EMP2: variants seen among roughly 807,000 people sequenced by gnomAD.
EMP2 encodes epithelial membrane protein 2.
Under a neutral mutation model 13.7 loss-of-function variants are expected in EMP2, and 19 were observed. The ratio of observed to expected loss-of-function variants is 1.38; its 90% CI spans 0.97 to 2.03. The LOEUF is 2.03. Ranked by LOEUF, EMP2 falls within the 30% of genes most tolerant of loss-of-function variation. The pLI is 0.00. For missense variants in EMP2, 253 were observed against 220.7 expected, an observed-to-expected ratio of 1.15 and a Z score of -0.93; for synonymous variants, 97 against 84.7, an observed-to-expected ratio of 1.15 and a Z score of -0.80.
intron 4 of EMP2, 102 bp from the exon 5 acceptor site, chr16:10,533,194 A>ATTAT: frequency 9.0e-7 from 1 of 1,109,094 alleles, no homozygotes; most frequent in Non-Finnish European, 1.2e-6. Flanking sequence ...TTCAGCTTTT[A>ATTAT]TTCTTTGTTT....
intron 1 of EMP2, among the ~76,000 whole-genome samples, chr16:10,559,453 C>T (rs555184932): frequency 3.2e-4 from 49 of 152,346 alleles, no homozygotes; most frequent in Middle Eastern, 3.4e-3. Context: ...AGGCGGGACA[C>T]TGGAATTTGG....
chr16:10,558,324 G>A (rs1017276666), intron 1 of EMP2, among the ~76,000 whole-genome samples: 1 of 152,182 alleles, frequency 6.6e-6, no homozygotes, highest in Non-Finnish European at 1.5e-5. Flanking sequence ...AGGGTGCCCA[G>A]CTGGAGTTTC....
At chr16:10,556,995 C>G (rs556172203) in intron 1 of EMP2, among the ~76,000 whole-genome samples, 16 of 152,314 alleles carry the variant, frequency 1.1e-4, no homozygotes, top group African/African-American at 3.8e-4. Flanking sequence ...AAGGCAACCT[C>G]TCTCTGCACT....
At chr16:10,564,820 T>C (rs2050896456) in intron 1 of EMP2, among the ~76,000 whole-genome samples, 1 of 152,172 alleles carries the variant, frequency 6.6e-6, no homozygotes, top group South Asian at 2.1e-4. Context: ...TTTCAGGCAC[T>C]GTCCCAGCAA....
intron 1 of EMP2, among the ~76,000 whole-genome samples, chr16:10,550,180 CTGGT>C (rs1466589936): frequency 2.0e-5 from 3 of 152,194 alleles, no homozygotes; most frequent in East Asian, 3.9e-4. Flanking sequence ...GCCACCGCAC[CTGGT>C]TGCACATTTT....
chr16:10,542,452 C>A (rs1044147561), intron 3 of EMP2, among the ~76,000 whole-genome samples: 3 of 151,262 alleles, frequency 2.0e-5, no homozygotes, highest in African/African-American at 7.3e-5. Flanking sequence ...CCCCCCCCAC[C>A]AACAAAACCA....
intron 2 of EMP2, chr16:10,546,006 G>T (rs1029961694): frequency 7.2e-5 from 11 of 152,242 alleles, no homozygotes; most frequent in Admixed American, 7.2e-4. Context: ...TGGCTCTGCT[G>T]CTTACTGCAC....
chr16:10,563,201 T>C (rs981126207), intron 1 of EMP2, among the ~76,000 whole-genome samples: 12 of 151,890 alleles, frequency 7.9e-5, no homozygotes, highest in Non-Finnish European at 1.5e-4. Flanking sequence ...TTATTATTAT[T>C]ATTATTTTGA....
At chr16:10,555,569 C>A (rs1003230340) in intron 1 of EMP2, among the ~76,000 whole-genome samples, 3 of 151,712 alleles carry the variant, frequency 2.0e-5, no homozygotes, top group African/African-American at 7.3e-5. Context: ...CCCTGTCCTA[C>A]AACCTGGAAG....
At chr16:10,538,435 G>T (rs1432138646) in intron 3 of EMP2, among the ~76,000 whole-genome samples, 1 of 152,202 alleles carries the variant, frequency 6.6e-6, no homozygotes, top group Non-Finnish European at 1.5e-5. Flanking sequence ...TGTGACTCAA[G>T]AAATCAGGAT....
chr16:10,575,873 A>C (rs2050980967), intron 1 of EMP2, among the ~76,000 whole-genome samples: 1 of 152,044 alleles, frequency 6.6e-6, no homozygotes, highest in South Asian at 2.1e-4. Flanking sequence ...CTCGGTCTGA[A>C]GCTGAACATA....
chr16:10,548,183 G>A (rs1313203104), intron 1 of EMP2, among the ~76,000 whole-genome samples: 1 of 152,300 alleles, frequency 6.6e-6, no homozygotes, highest in South Asian at 2.1e-4. Flanking sequence ...TCCTTGTGGA[G>A]GAGGAGGGTG....
chr16:10,540,183 T>A (rs2050683312), intron 3 of EMP2, among the ~76,000 whole-genome samples: 1 of 152,104 alleles, frequency 6.6e-6, no homozygotes, highest in South Asian at 2.1e-4. Context: ...ATTCACGGAA[T>A]GAGAGGGATG....
intron 2 of EMP2, chr16:10,545,576 ACT>A (rs1304781015): frequency 1.3e-5 from 2 of 159,288 alleles, no homozygotes; most frequent in Non-Finnish European, 2.7e-5. Context: ...TCCTTATGAG[ACT>A]CTAATGCCTG....
Position 10,532,899 on chromosome 16 carries a change from G to A in EMP2, c.*6C>T, listed in dbSNP as rs201413879. ...ACTGCAGCAGAAGCAACCCAGCTCCGGAACTCTATTTGCGCTTCCTCAGTA... is the reference window on the plus strand; with the variant it reads ...ACTGCAGCAGAAGCAACCCAGCTCCAGAACTCTATTTGCGCTTCCTCAGTA... On this transcript the variant is annotated 3_prime_UTR_variant, in exon 5 of 5. Coordinates refer to ENST00000359543, the MANE Select transcript of EMP2 (RefSeq NM_001424.6). 23 of 1,474,714 alleles carry A rather than the reference G, an allele frequency of 1.6e-5. No individual in the cohort carries two copies. The highest frequency in any genetic ancestry group is 1.5e-4 in the East Asian group (6 of 40,004). 91.4% of individuals were successfully genotyped at this position (1,474,714 alleles called of 1,614,324 possible). A position where few individuals can be genotyped will look rare whatever the true frequency, so the allele number is the denominator to read the frequency against.
At chr16:10,579,362 A>C (rs559538258) in intron 1 of EMP2, among the ~76,000 whole-genome samples, 1 of 152,234 alleles carries the variant, frequency 6.6e-6, no homozygotes, top group South Asian at 2.1e-4. Flanking sequence ...GGCTTTTAAA[A>C]AATTTTTATG....
At chr16:10,566,947 G>A (rs972201831) in intron 1 of EMP2, among the ~76,000 whole-genome samples, 1 of 152,036 alleles carries the variant, frequency 6.6e-6, no homozygotes, top group African/African-American at 2.4e-5. Flanking sequence ...TCAGAGTAGT[G>A]GACCTTTGCA....
At chr16:10,539,380 T>C (rs533444485) in intron 3 of EMP2, among the ~76,000 whole-genome samples, 166 of 152,296 alleles carry the variant, frequency 1.1e-3, no homozygotes, top group Non-Finnish European at 2.0e-3. Flanking sequence ...TTACGGTTGC[T>C]TGGAGAGCAT....
chr16:10,551,418 T>G (rs2050787538), intron 1 of EMP2, among the ~76,000 whole-genome samples: 1 of 152,216 alleles, frequency 6.6e-6, no homozygotes, highest in African/African-American at 2.4e-5. Context: ...TTCGTTTGTT[T>G]GTTTTTGAGA....
Sources: gnomAD v4.1 joint callset for allele counts (sites outside exome capture counted in the v4.1 genomes callset) on GRCh38, gnomAD v4.1.1 for gene constraint, MANE v1.5 for transcripts, NCBI Gene and HGNC (gene_info 2026-07-23, HGNC 2026-07-21) for gene names.